DNM3: variants seen among roughly 807,000 people sequenced by gnomAD.
DNM3 encodes the protein dynamin 3.
Under a neutral mutation model 101.6 loss-of-function variants are expected in DNM3, and 47 were observed. The ratio of observed to expected loss-of-function variants is 0.46; its 90% CI spans 0.37 to 0.59. The LOEUF (loss-of-function observed/expected upper bound fraction) is 0.59, where lower values mean the gene tolerates loss of function less well. DNM3 is among the 20% of genes least tolerant of loss of function. The pLI is 0.00. For missense variants in DNM3, 849 were observed against 1,085.7 expected (o/e 0.78, Z 3.06); for synonymous variants, 385 against 387.9 (o/e 0.99, Z 0.09).
intron 10 of DNM3, among the ~76,000 whole-genome samples, chr1:172,050,419 T>C (rs1490909229): frequency 6.6e-6 from 1 of 152,122 alleles, no homozygotes; most frequent in Non-Finnish European, 1.5e-5. Context: ...CTGTGTCTGT[T>C]CCCAAACCCA....
chr1:171,861,386 C>T (rs1233035947), intron 1 of DNM3, among the ~76,000 whole-genome samples: 1 of 152,116 alleles, frequency 6.6e-6, no homozygotes, highest in Non-Finnish European at 1.5e-5. Context: ...TGTAAATATA[C>T]ACATACTAAA....
intron 4 of DNM3, among the ~76,000 whole-genome samples, chr1:171,993,403 C>T (rs1266538077): frequency 6.6e-6 from 1 of 151,806 alleles, no homozygotes; most frequent in Non-Finnish European, 1.5e-5. Context: ...TATGTCATCC[C>T]ACTACCATCT....
intron 14 of DNM3, among the ~76,000 whole-genome samples, chr1:172,186,542 G>C (rs968598775): frequency 2.4e-4 from 36 of 152,022 alleles, no homozygotes; most frequent in African/African-American, 7.5e-4. Context: ...AGATGACATG[G>C]ATTTAGAGCA....
intron 17 of DNM3, among the ~76,000 whole-genome samples, chr1:172,335,881 A>G (rs1249151318): frequency 1.3e-5 from 2 of 152,036 alleles, no homozygotes; most frequent in Non-Finnish European, 1.5e-5. Context: ...TGGACCCCAA[A>G]CCTCAGCATC....
chr1:172,315,696 T>C (rs993413799), intron 16 of DNM3, among the ~76,000 whole-genome samples: 1 of 152,008 alleles, frequency 6.6e-6, no homozygotes, highest in Non-Finnish European at 1.5e-5. Context: ...GAAAAAAGAA[T>C]AAAAAGAAAC....
chr1:172,288,683 A>G (rs984545387), intron 15 of DNM3, among the ~76,000 whole-genome samples: 5 of 152,162 alleles, frequency 3.3e-5, no homozygotes, highest in Non-Finnish European at 5.9e-5. Flanking sequence ...TAGGGGAGAA[A>G]GAGATGTCGT....
At chr1:172,299,937 T>C (rs1430265980) in intron 15 of DNM3, among the ~76,000 whole-genome samples, 1 of 152,200 alleles carries the variant, frequency 6.6e-6, no homozygotes, top group Non-Finnish European at 1.5e-5. Context: ...GTAGTTCTGC[T>C]TTTAGTTCTT....
chr1:171,960,398 A>G (rs1176576071), intron 2 of DNM3, among the ~76,000 whole-genome samples: 2 of 152,210 alleles, frequency 1.3e-5, no homozygotes, highest in African/African-American at 2.4e-5. Context: ...AACAAATATA[A>G]TGAATGATAA....
intron 20 of DNM3, among the ~76,000 whole-genome samples, chr1:172,401,575 C>A (rs990046449): frequency 3.3e-5 from 5 of 152,150 alleles, no homozygotes; most frequent in Admixed American, 2.6e-4. Context: ...ATTATAAAAT[C>A]ATGGGTTCAT....
In DNM3 at chr1:172,351,537, T is replaced by C. The variant is rs545183797; in HGVS notation, c.1894-27481T>C. Among the ~76,000 whole-genome samples the C allele has an allele frequency of 3.3e-3, 496 of 152,266 alleles. 2 individuals are homozygous for C. Among genetic ancestry groups the C allele is most frequent in the African/African-American group, 0.011 (471 of 41,560 alleles). ...CTGTCAGCATTTTCTGCATAAACCA[T>C]TGGCTCAAAAAAATTCTTCAGGCTG... On this transcript the variant is annotated intron_variant, in intron 17 of 20. Coordinates refer to ENST00000627582, the MANE Select transcript of DNM3 (RefSeq NM_015569.5).
At chr1:171,955,154 G>A (rs562545134) in intron 2 of DNM3, among the ~76,000 whole-genome samples, 3 of 152,182 alleles carry the variant, frequency 2.0e-5, no homozygotes, top group Non-Finnish European at 1.5e-5. Flanking sequence ...TGAGTTGCTG[G>A]ATAAGTGTTA....
At chr1:172,093,726 G>A (rs2054066936) in intron 13 of DNM3, 1 of 1,607,902 alleles carries the variant, frequency 6.2e-7, no homozygotes, top group Non-Finnish European at 8.5e-7. Flanking sequence ...AAGGCAAATT[G>A]TACGAGCTAA....
At chr1:171,980,173 A>C (rs1331941859) in intron 2 of DNM3, among the ~76,000 whole-genome samples, 1 of 129,990 alleles carries the variant, frequency 7.7e-6, no homozygotes. Context: ...TTTGATTGCT[A>C]GACTTTCCCT....
At chr1:172,165,254 G>GT (rs1212148500) in intron 14 of DNM3, among the ~76,000 whole-genome samples, 4 of 151,900 alleles carry the variant, frequency 2.6e-5, no homozygotes, top group East Asian at 3.9e-4. Context: ...TCTCAAAAAA[G>GT]TTTTTTTAGA....
At chr1:172,065,885 T>G (rs927532815) in intron 10 of DNM3, among the ~76,000 whole-genome samples, 1 of 152,224 alleles carries the variant, frequency 6.6e-6, no homozygotes, top group Non-Finnish European at 1.5e-5. Flanking sequence ...GTGCAAATCT[T>G]TTTCTATGCA....
chr1:172,104,304 T>C (rs2054856879), intron 13 of DNM3, among the ~76,000 whole-genome samples: 1 of 152,146 alleles, frequency 6.6e-6, no homozygotes, highest in African/African-American at 2.4e-5. Flanking sequence ...ATCTTATATT[T>C]TCTTCCAATA....
chr1:172,290,314 G>A (rs1029814713), intron 15 of DNM3, among the ~76,000 whole-genome samples: 9 of 152,162 alleles, frequency 5.9e-5, no homozygotes, highest in Admixed American at 3.3e-4. Context: ...TTTAGCTAGA[G>A]GGGTTAGGGG....
Position 172,276,492 on chromosome 1 carries a change from T to C in DNM3, c.1769+22810T>C, listed in dbSNP as rs137885505. Among the ~76,000 whole-genome samples, 1,024 of 152,098 alleles carry C rather than the reference T, an allele frequency of 6.7e-3. 22 individuals carry two copies. Among genetic ancestry groups the C allele is most frequent in the African/African-American group, 0.023 (970 of 41,528 alleles). ...TTTAGGAAGATTTATGTGTAAATTG[T>C]GTTATAATTCTTTTAAATCCTGTAA... is the stretch of plus-strand genomic sequence containing the variant. On this transcript the variant is annotated intron_variant, in intron 15 of 20. Transcript: ENST00000627582.
At chr1:172,249,435 C>G (rs2148673996) in intron 14 of DNM3, among the ~76,000 whole-genome samples, 1 of 152,276 alleles carries the variant, frequency 6.6e-6, no homozygotes, top group South Asian at 2.1e-4. Flanking sequence ...TTTCTTCTAA[C>G]TCTTGCCAAG....
Sources: gnomAD v4.1 joint callset for allele counts (sites outside exome capture counted in the v4.1 genomes callset) on GRCh38, gnomAD v4.1.1 for gene constraint, MANE v1.5 for transcripts, NCBI Gene and HGNC (gene_info 2026-07-23, HGNC 2026-07-21) for gene names.